TOMM40: variants seen among roughly 807,000 people sequenced by gnomAD.
TOMM40 encodes the protein mitochondrial import receptor subunit TOM40 homolog.
Under a neutral mutation model 38.4 loss-of-function variants are expected in TOMM40, and 9 were observed. The ratio of observed to expected loss-of-function variants is 0.23; its 90% CI spans 0.14 to 0.41. TOMM40 has a LOEUF of 0.41. Among genes scored for constraint, TOMM40 ranks in the 10% least tolerant of loss-of-function variants. TOMM40 has a pLI of 1.00. For missense variants in TOMM40, 299 were observed against 486.5 expected (o/e 0.61, Z 3.63); for synonymous variants, 184 against 210.0 (o/e 0.88, Z 1.07).
Position 44,891,279 on chromosome 19 carries a change from G to A in TOMM40, c.-137G>A. 1 of 1,162,608 alleles carries A rather than the reference G, an allele frequency of 8.6e-7. No homozygotes were observed. The highest frequency in any genetic ancestry group is 1.1e-6 in the Non-Finnish European group (1 of 932,012). 72.0% of individuals were successfully genotyped at this position (1,162,608 alleles called of 1,614,324 possible). ...CGGTTGCGCGTGGCGCACGGGGTGG[G>A]AGCGGAGCCCAGGCCGGGAGCAGGC... On this transcript the variant is annotated 5_prime_UTR_variant, in exon 1 of 9. Transcript: ENST00000426677.
At chr19:44,898,916 A>G (rs889683144) in intron 5 of TOMM40, among the ~76,000 whole-genome samples, 18 of 151,508 alleles carry the variant, frequency 1.2e-4, no homozygotes, top group African/African-American at 4.4e-4. Context: ...AGGCCGAGGC[A>G]GGCGGATCAC....
chr19:44,903,059 G>T lies in TOMM40; in HGVS notation c.976G>T (p.Ala326Ser), dbSNP rs763500143. Residue 326 changes from alanine (A) to serine (S), a missense_variant, in exon 9 of 9, where the codon GCC (alanine) becomes TCC (serine). Ala to Ser is a moderately conservative substitution (Grantham distance 99, BLOSUM62 1). Transcript: ENST00000426677. ...GSVDSNWIVG[A>S]TLEKKLPPLP... ...TGTGGATAGCAACTGGATCGTGGGTGCCACGCTGGAGAAGAAGCTCCCACC... is the reference window on the plus strand; with the variant it reads ...TGTGGATAGCAACTGGATCGTGGGTTCCACGCTGGAGAAGAAGCTCCCACC... The T allele has an allele frequency of 6.2e-7, 1 of 1,613,156 alleles. No individual in the cohort carries two copies.
intron 7 of TOMM40, 31 bp downstream of exon 7, chr19:44,901,135 C>G: frequency 6.2e-7 from 1 of 1,614,034 alleles, no homozygotes; most frequent in East Asian, 2.2e-5. Context: ...GCTGGTGCTG[C>G]CAGGGGCTGC....
chr19:44,894,886 A>T (rs1969536756), intron 5 of TOMM40, among the ~76,000 whole-genome samples: 1 of 152,024 alleles, frequency 6.6e-6, no homozygotes, highest in African/African-American at 2.4e-5. Flanking sequence ...TTCTCACAGG[A>T]CCCTGCAGCT....
intron 8 of TOMM40, 74 bp downstream of exon 8, chr19:44,901,384 A>G: frequency 1.3e-6 from 2 of 1,554,788 alleles, no homozygotes; most frequent in Non-Finnish European, 1.7e-6. Flanking sequence ...GTGGGCCACC[A>G]CAGGTGCTGG....
intron 5 of TOMM40, among the ~76,000 whole-genome samples, chr19:44,899,362 C>A (rs532552948): frequency 6.6e-6 from 1 of 151,482 alleles, no homozygotes; most frequent in Non-Finnish European, 1.5e-5. Flanking sequence ...GGGACAGATT[C>A]TCACTCTGTC....
intron 8 of TOMM40, chr19:44,901,984 G>T: frequency 6.6e-6 from 1 of 152,048 alleles, no homozygotes. Flanking sequence ...CCGCTACTTA[G>T]GAGGCTGAGG....
intron 5 of TOMM40, among the ~76,000 whole-genome samples, chr19:44,899,863 G>A (rs1204993993): frequency 1.5e-5 from 2 of 130,222 alleles, no homozygotes; most frequent in Non-Finnish European, 3.1e-5. Flanking sequence ...GGCTGGCTTC[G>A]AATGCCTAGG....
chr19:44,897,902 C>T lies in TOMM40; in HGVS notation c.644-2828C>T, dbSNP rs113886004. Among the ~76,000 whole-genome samples the T allele has an allele frequency of 4.1e-3, 628 of 152,050 alleles. 3 individuals carry two copies. The highest frequency in any genetic ancestry group is 0.015 in the African/African-American group (610 of 41,478). ...CCTCCCAAAGTGCCAGGATTACAGG[C>T]GTGAGCTACTGTGCCCCGCCCGTGT... is the stretch of plus-strand genomic sequence containing the variant. On this transcript the variant is annotated intron_variant, in intron 5 of 8. Coordinates refer to ENST00000426677, the MANE Select transcript of TOMM40 (RefSeq NM_001128917.2).
chr19:44,898,178 G>C (rs1270484390), intron 5 of TOMM40, among the ~76,000 whole-genome samples: 2 of 152,162 alleles, frequency 1.3e-5, no homozygotes, highest in Non-Finnish European at 2.9e-5. Context: ...AGCCATGCCT[G>C]CAGGTATGAA....
At chr19:44,894,592 T>C (rs1481275542) in intron 5 of TOMM40, among the ~76,000 whole-genome samples, 3 of 151,954 alleles carry the variant, frequency 2.0e-5, no homozygotes, top group Admixed American at 2.0e-4. Context: ...AGATTTTCTT[T>C]TGTATTAAAA....
Position 44,891,444 on chromosome 19 carries a change from C to T in TOMM40, c.29C>T (p.Pro10Leu). 7.7e-7 allele frequency: 1 copy of T among 1,294,046 alleles called. No homozygotes were observed. Among genetic ancestry groups the T allele is most frequent in the Non-Finnish European group, 9.7e-7 (1 of 1,025,968 alleles). 80.2% of individuals were successfully genotyped at this position (1,294,046 alleles called of 1,614,324 possible). The change falls in exon 1 of 9, where the codon CCG becomes CTG. Residue 10 changes from proline (P) to leucine (L), a missense_variant. By Grantham distance (98) the Pro-to-Leu change is moderately conservative. Coordinates refer to ENST00000426677, the MANE Select transcript of TOMM40 (RefSeq NM_001128917.2). MGNVLAASS[P>L]PAGPPPPPAP... ...GGGAACGTGTTGGCTGCCAGCTCGC[C>T]GCCCGCAGGGCCGCCACCGCCGCCT...
rs146905155 is a variant in TOMM40 at position 44,893,177 on chromosome 19, C to G, written c.435+248C>G. Among the ~76,000 whole-genome samples, 188 of 152,308 alleles carry G rather than the reference C, an allele frequency of 1.2e-3. 1 individual carries two copies. Among genetic ancestry groups the G allele is most frequent in the African/African-American group, 4.0e-3 (165 of 41,558 alleles). ...GGATGTGGCCACAGCCACCCTGTCA[C>G]CAGACAGCGATGACCCAGGGTGGAA... On this transcript the variant is annotated intron_variant, in intron 3 of 8. Coordinates refer to ENST00000426677, the MANE Select transcript of TOMM40 (RefSeq NM_001128917.2).
At chr19:44,901,715 T>C (rs1038025) in intron 8 of TOMM40, 111,499 of 240,894 alleles carry the variant, frequency 0.46, 27,785 homozygotes, top group African/African-American at 0.64. Flanking sequence ...CCAGCCTGGG[T>C]GACAGAGCAA....
chr19:44,901,524 A>G (rs1969683512), intron 8 of TOMM40: 2 of 1,294,418 alleles, frequency 1.5e-6, no homozygotes, highest in Admixed American at 2.9e-5. Flanking sequence ...GGGCCGAGGT[A>G]AGGAGATTGA....
rs10524523 is a variant in TOMM40, at chr19:44,899,791, CTTTTTTTTTTTTTTTT to C, written c.644-919_644-904del. On this transcript the variant is annotated intron_variant, in intron 5 of 8. Coordinates refer to ENST00000426677, the MANE Select transcript of TOMM40 (RefSeq NM_001128917.2). ...TACTGGCATGAGCCATTGCATCTGG[CTTTTTTTTTTTTTTTT>C]TTTTTTTTTTTTTTTTTTTGAGATG... 1.1e-4 allele frequency among the ~76,000 whole-genome samples: 10 copies of C among 90,982 alleles called. No homozygotes were observed. In the South Asian group the frequency reaches 1.4e-3, roughly 13 times the overall value. 59.7% of individuals were successfully genotyped at this position (90,982 alleles called of 152,430 possible).
intron 5 of TOMM40, 36 bp downstream of exon 5, chr19:44,894,102 C>G: frequency 2.1e-6 from 3 of 1,449,060 alleles, no homozygotes; most frequent in Non-Finnish European, 2.8e-6. Flanking sequence ...GGTCACAAAA[C>G]TGCAGTTCTG....
At chr19:44,896,950 A>G (rs1330254630) in intron 5 of TOMM40, among the ~76,000 whole-genome samples, 3 of 152,194 alleles carry the variant, frequency 2.0e-5, no homozygotes, top group African/African-American at 7.2e-5. Context: ...ACTACTGGGG[A>G]CGCTGAGCTG....
At chr19:44,898,443 G>A (rs968420910) in intron 5 of TOMM40, among the ~76,000 whole-genome samples, 2 of 151,622 alleles carry the variant, frequency 1.3e-5, no homozygotes. Flanking sequence ...CGATCGTGGT[G>A]GATTTCTCAA....
Sources: allele counts gnomAD v4.1 joint callset (sites outside exome capture counted in the v4.1 genomes callset), GRCh38; gene constraint gnomAD v4.1.1; transcripts MANE v1.5; gene names NCBI Gene and HGNC (gene_info 2026-07-23, HGNC 2026-07-21).